NKAIN2: variants seen among roughly 807,000 people sequenced by gnomAD.
The protein encoded by NKAIN2 is sodium/potassium transporting ATPase interacting 2, also known as sodium/potassium-transporting ATPase subunit beta-1-interacting protein 2.
Under a neutral mutation model 32.6 loss-of-function variants are expected in NKAIN2, and 14 were observed. The ratio of observed to expected loss-of-function variants is 0.43; its 90% confidence interval spans 0.28 to 0.67. The LOEUF (loss-of-function observed/expected upper bound fraction) is 0.67. Among genes scored for constraint, NKAIN2 ranks in the 30% least tolerant of loss-of-function variants. NKAIN2 has a pLI of 0.17. For missense variants in NKAIN2, 198 were observed against 258.3 expected (o/e 0.77, Z 1.60); for synonymous variants, 80 against 87.2 (o/e 0.92, Z 0.46).
At chr6:124,150,041 C>T (rs1259184147) in intron 1 of NKAIN2, among the ~76,000 whole-genome samples, 1 of 150,572 alleles carries the variant, frequency 6.6e-6, no homozygotes, top group African/African-American at 2.5e-5. Context: ...AAAATAAATT[C>T]CCCCACCCTC....
At chr6:124,635,625 C>T (rs1783745579) in intron 3 of NKAIN2, among the ~76,000 whole-genome samples, 1 of 151,848 alleles carries the variant, frequency 6.6e-6, no homozygotes, top group Non-Finnish European at 1.5e-5. Flanking sequence ...CTATGGAAAC[C>T]AAAAGCATGC....
At chr6:124,454,111 G>A (rs966870087) in intron 3 of NKAIN2, among the ~76,000 whole-genome samples, 5 of 146,232 alleles carry the variant, frequency 3.4e-5, no homozygotes, top group East Asian at 2.0e-4. Flanking sequence ...TTTTTTGGGG[G>A]GGGGGGTTGC....
rs185082111 is a variant in NKAIN2, at chr6:124,239,468, A to G, written c.55-43537A>G. On this transcript the variant is annotated intron_variant, in intron 1 of 6. Transcript: ENST00000368417. ...TTCTTCTCAGCACCACGTCACACTT[A>G]TTCTAAAATTGGCCACATAATTGGA... Among the ~76,000 whole-genome samples, 322 of 152,292 alleles carry G rather than the reference A, an allele frequency of 2.1e-3. 1 individual carries two copies. Among genetic ancestry groups the G allele is most frequent in the Non-Finnish European group, 7.2e-4 (49 of 68,024 alleles).
At chr6:123,921,987 C>T (rs998779148) in intron 1 of NKAIN2, among the ~76,000 whole-genome samples, 2 of 151,940 alleles carry the variant, frequency 1.3e-5, no homozygotes, top group African/African-American at 4.8e-5. Flanking sequence ...AATTGTTCAG[C>T]ATTTTTATTT....
chr6:123,838,263 T>G (rs193184908), intron 1 of NKAIN2, among the ~76,000 whole-genome samples: 1 of 152,278 alleles, frequency 6.6e-6, no homozygotes, highest in African/African-American at 2.4e-5. Context: ...AAGTCAACCT[T>G]TTAGTTTCTA....
chr6:124,528,827 T>A (rs1042874039), intron 3 of NKAIN2, among the ~76,000 whole-genome samples: 2 of 152,116 alleles, frequency 1.3e-5, no homozygotes, highest in East Asian at 3.9e-4. Flanking sequence ...CAAAGCCAGA[T>A]AAGATTATTT....
chr6:124,438,716 C>T (rs1775565726), intron 3 of NKAIN2, among the ~76,000 whole-genome samples: 1 of 152,098 alleles, frequency 6.6e-6, no homozygotes, highest in African/African-American at 2.4e-5. Flanking sequence ...CCAATGGCCT[C>T]CCTGTCACTA....
chr6:123,897,725 A>G (rs976871017), intron 1 of NKAIN2, among the ~76,000 whole-genome samples: 2 of 152,064 alleles, frequency 1.3e-5, no homozygotes, highest in Non-Finnish European at 2.9e-5. Flanking sequence ...TCTGGCATAG[A>G]GAGGGTGCTC....
rs532086205 is a variant in NKAIN2, at chr6:124,616,856, A to G, written c.274-41330A>G. On this transcript the variant is annotated intron_variant, in intron 3 of 6. Transcript: ENST00000368417. Reference sequence around the variant, plus strand: ...ATAGCACTGATAGTGCTATGCATACATAGCTCTGTATCTTGACATATGCGT... The same window carrying G: ...ATAGCACTGATAGTGCTATGCATACGTAGCTCTGTATCTTGACATATGCGT... 9.3e-4 allele frequency among the ~76,000 whole-genome samples: 142 copies of G among 152,100 alleles called. 1 individual carries two copies. Among genetic ancestry groups the G allele is most frequent in the Non-Finnish European group, 1.5e-3 (103 of 67,962 alleles).
chr6:124,547,550 C>G (rs1780140123), intron 3 of NKAIN2, among the ~76,000 whole-genome samples: 1 of 152,148 alleles, frequency 6.6e-6, no homozygotes. Context: ...GTTCAGCCAG[C>G]AGCTTAAAAG....
intron 1 of NKAIN2, among the ~76,000 whole-genome samples, chr6:123,923,612 TA>T (rs1027009556): frequency 6.6e-6 from 1 of 151,424 alleles, no homozygotes; most frequent in Non-Finnish European, 1.5e-5. Context: ...TATGCAGCCA[TA>T]AAAAATGATG....
At chr6:124,373,007 A>G (rs752249014) in intron 3 of NKAIN2, among the ~76,000 whole-genome samples, 12 of 152,192 alleles carry the variant, frequency 7.9e-5, no homozygotes, top group Non-Finnish European at 1.2e-4. Context: ...AAATATCACT[A>G]TGACTGTTGT....
chr6:124,500,682 A>G (rs1420685790), intron 3 of NKAIN2, among the ~76,000 whole-genome samples: 1 of 151,660 alleles, frequency 6.6e-6, no homozygotes, highest in Non-Finnish European at 1.5e-5. Flanking sequence ...ATAAATAAAT[A>G]AATAATAAAA....
At chr6:124,112,377 T>C (rs991784105) in intron 1 of NKAIN2, among the ~76,000 whole-genome samples, 4 of 152,190 alleles carry the variant, frequency 2.6e-5, no homozygotes, top group African/African-American at 9.6e-5. Context: ...TTCAGCACTT[T>C]GAATATATCA....
At chr6:124,662,222 G>T (rs1784771578) in intron 4 of NKAIN2, among the ~76,000 whole-genome samples, 2 of 152,160 alleles carry the variant, frequency 1.3e-5, no homozygotes, top group South Asian at 4.1e-4. Flanking sequence ...CATTTATTAT[G>T]CACATATTAT....
intron 1 of NKAIN2, among the ~76,000 whole-genome samples, chr6:123,905,886 T>C (rs1003841472): frequency 6.6e-6 from 1 of 152,204 alleles, no homozygotes; most frequent in Admixed American, 6.5e-5. Context: ...TGACTCTATA[T>C]AAAATATGTA....
intron 3 of NKAIN2, among the ~76,000 whole-genome samples, chr6:124,394,995 T>C (rs1773315381): frequency 6.6e-6 from 1 of 152,082 alleles, no homozygotes; most frequent in Admixed American, 6.6e-5. Flanking sequence ...TTCCTGAACA[T>C]CGTCAGTCAG....
intron 3 of NKAIN2, among the ~76,000 whole-genome samples, chr6:124,373,682 C>T (rs75831695): frequency 0.081 from 12,276 of 152,090 alleles, 496 homozygotes; most frequent in African/African-American, 0.1. Context: ...AGCCAGGGCA[C>T]TAGTGTTCAA....
At chr6:124,215,979 C>T (rs1791456076) in intron 1 of NKAIN2, among the ~76,000 whole-genome samples, 1 of 151,708 alleles carries the variant, frequency 6.6e-6, no homozygotes. Flanking sequence ...TTAGCCGGGC[C>T]TGGTGACAAG....
Sources: allele counts gnomAD v4.1 joint callset (sites outside exome capture counted in the v4.1 genomes callset), GRCh38; gene constraint gnomAD v4.1.1; transcripts MANE v1.5; gene names NCBI Gene and HGNC (gene_info 2026-07-23, HGNC 2026-07-21).